Variants in NRXN1 observed in about 807,000 individuals in gnomAD.
NRXN1 encodes neurexin-1.
A neutral mutation model predicts 150.9 loss-of-function variants in NRXN1; 39 were observed. The observed-to-expected ratio is 0.26, with a 90% confidence interval of 0.20 to 0.34. NRXN1 has a LOEUF of 0.34. Ranked by LOEUF, NRXN1 falls within the 10% of genes least tolerant of loss-of-function variation. The pLI, the probability that NRXN1 is intolerant of heterozygous loss-of-function variation, is 1.00. For synonymous variants in NRXN1, 924 were observed against 757.0 expected (o/e 1.22, Z -3.62); for missense variants, 1,815 against 1,949.9 (o/e 0.93, Z 1.30).
chr2:50,377,453 G>T (rs1166439080), intron 17 of NRXN1, among the ~76,000 whole-genome samples: 2 of 152,162 alleles, frequency 1.3e-5, no homozygotes, highest in African/African-American at 4.8e-5. Flanking sequence ...TGGCTGCATA[G>T]TATTCCATGA....
At chr2:50,385,130 C>T (rs1437246028) in intron 17 of NRXN1, among the ~76,000 whole-genome samples, 1 of 152,144 alleles carries the variant, frequency 6.6e-6, no homozygotes, top group Non-Finnish European at 1.5e-5. Flanking sequence ...CCAAACACCC[C>T]CAAGCTACAC....
At chr2:50,837,363 A>G (rs1289815660) in intron 5 of NRXN1, among the ~76,000 whole-genome samples, 1 of 152,174 alleles carries the variant, frequency 6.6e-6, no homozygotes, top group Non-Finnish European at 1.5e-5. Flanking sequence ...GCAGTAGAGC[A>G]TAATGGTTTG....
intron 21 of NRXN1, among the ~76,000 whole-genome samples, chr2:50,021,757 G>T (rs907375742): frequency 1.3e-5 from 2 of 152,052 alleles, no homozygotes; most frequent in African/African-American, 4.8e-5. Flanking sequence ...CACATATTTT[G>T]CTAAATCATC....
chr2:50,621,002 G>T, intron 7 of NRXN1: 1 of 466,230 alleles, frequency 2.1e-6, no homozygotes, highest in Non-Finnish European at 3.8e-6. Context: ...CGTTAACGAT[G>T]CCCCTACAGG....
intron 18 of NRXN1, among the ~76,000 whole-genome samples, chr2:50,109,187 G>A (rs1229447332): frequency 6.6e-6 from 1 of 152,122 alleles, no homozygotes; most frequent in Non-Finnish European, 1.5e-5. Context: ...TGGAAAGAAT[G>A]AACAATGGCA....
intron 19 of NRXN1, among the ~76,000 whole-genome samples, chr2:50,072,433 C>T (rs139018605): frequency 7.7e-4 from 117 of 151,992 alleles, no homozygotes; most frequent in African/African-American, 2.8e-3. Context: ...AAAAGATACA[C>T]TGTGTCCACT....
intron 17 of NRXN1, among the ~76,000 whole-genome samples, chr2:50,459,211 T>A (rs2087905377): frequency 6.6e-6 from 1 of 152,154 alleles, no homozygotes; most frequent in African/African-American, 2.4e-5. Context: ...ATCCTATACT[T>A]TAAAAACACT....
intron 5 of NRXN1, among the ~76,000 whole-genome samples, chr2:50,862,737 A>T (rs1676327352): frequency 6.6e-6 from 1 of 152,110 alleles, no homozygotes; most frequent in Non-Finnish European, 1.5e-5. Context: ...TACTGCTAAT[A>T]TCAATATTTT....
chr2:50,218,419 T>C (rs1384179017), intron 18 of NRXN1, among the ~76,000 whole-genome samples: 1 of 151,932 alleles, frequency 6.6e-6, no homozygotes, highest in African/African-American at 2.4e-5. Context: ...GTGATGATTC[T>C]CTCAAAATGG....
intron 5 of NRXN1, among the ~76,000 whole-genome samples, chr2:50,891,741 TG>T (rs764197101): frequency 6.6e-6 from 1 of 152,138 alleles, no homozygotes; most frequent in Non-Finnish European, 1.5e-5. Flanking sequence ...TCTCTTGGAA[TG>T]GGAATGTACC....
chr2:50,519,465 T>C (rs2092722847), intron 12 of NRXN1, among the ~76,000 whole-genome samples: 1 of 151,980 alleles, frequency 6.6e-6, no homozygotes, highest in African/African-American at 2.4e-5. Flanking sequence ...CCAGGAAATG[T>C]TCTAAAATGG....
At chr2:50,861,173 G>C (rs1236558356) in intron 5 of NRXN1, among the ~76,000 whole-genome samples, 1 of 152,022 alleles carries the variant, frequency 6.6e-6, no homozygotes, top group African/African-American at 2.4e-5. Flanking sequence ...CTGGCTTTCA[G>C]ATTGGTACTT....
At chr2:50,959,072 T>C (rs1692730514) in intron 2 of NRXN1, among the ~76,000 whole-genome samples, 1 of 152,130 alleles carries the variant, frequency 6.6e-6, no homozygotes, top group South Asian at 2.1e-4. Flanking sequence ...CTAACTTTGA[T>C]GTCAGTATAA....
intron 8 of NRXN1, among the ~76,000 whole-genome samples, chr2:50,606,983 G>A (rs921081378): frequency 6.6e-6 from 1 of 152,030 alleles, no homozygotes; most frequent in Non-Finnish European, 1.5e-5. Context: ...CATTTTTCTG[G>A]GTGGACAGTA....
chr2:50,296,531 T>C (rs998091560), intron 17 of NRXN1, among the ~76,000 whole-genome samples: 1 of 149,784 alleles, frequency 6.7e-6, no homozygotes, highest in African/African-American at 2.5e-5. Flanking sequence ...TTATTATTAT[T>C]ATTATCATTA....
chr2:50,664,192 CCTT>C (rs1416580531), intron 5 of NRXN1, among the ~76,000 whole-genome samples: 1 of 151,772 alleles, frequency 6.6e-6, no homozygotes, highest in Non-Finnish European at 1.5e-5. Context: ...TTGCAGAAAA[CCTT>C]CTGCATTTTC....
At chr2:49,942,589 A>G (rs914369818) in intron 22 of NRXN1, among the ~76,000 whole-genome samples, 14 of 149,118 alleles carry the variant, frequency 9.4e-5, no homozygotes, top group African/African-American at 3.0e-4. Flanking sequence ...AATGCAAACA[A>G]TATTATTATT....
intron 5 of NRXN1, among the ~76,000 whole-genome samples, chr2:50,859,194 T>C (rs1675727504): frequency 6.6e-6 from 1 of 152,092 alleles, no homozygotes; most frequent in Admixed American, 6.6e-5. Context: ...TACCTGGCTC[T>C]GGGTCCAGGA....
chr2:50,211,640 A>G (rs1426467130), intron 18 of NRXN1, among the ~76,000 whole-genome samples: 3 of 151,552 alleles, frequency 2.0e-5, no homozygotes, highest in African/African-American at 4.8e-5. Context: ...ATGAAACCTA[A>G]TATTATATAC....
Sources: allele counts gnomAD v4.1 joint callset (sites outside exome capture counted in the v4.1 genomes callset), GRCh38; gene constraint gnomAD v4.1.1; transcripts MANE v1.5; gene names NCBI Gene and HGNC (gene_info 2026-07-23, HGNC 2026-07-21).